The following EPHA6 variants were observed in gnomAD, a reference collection of about 807,000 sequenced individuals.
EPHA6 encodes EPH receptor A6.
A neutral mutation model predicts 112.0 loss-of-function variants in EPHA6; 50 were observed. The ratio of observed to expected loss-of-function variants is 0.45; its 90% CI spans 0.36 to 0.56. EPHA6 has a LOEUF of 0.56. Among genes scored for constraint, EPHA6 ranks in the 20% least tolerant of loss-of-function variants. The pLI is 0.00. For synonymous variants in EPHA6, 529 were observed against 490.7 expected (o/e 1.08, Z -1.03); for missense variants, 1,280 against 1,417.4 (o/e 0.90, Z 1.56).
At chr3:97,120,599 G>A (rs1477841386) in intron 3 of EPHA6, among the ~76,000 whole-genome samples, 1 of 151,828 alleles carries the variant, frequency 6.6e-6, no homozygotes, top group Non-Finnish European at 1.5e-5. Context: ...TTTTAAAAGA[G>A]TATTGCTTAC....
chr3:97,418,777 C>T (rs1411021018), intron 6 of EPHA6, among the ~76,000 whole-genome samples: 1 of 151,828 alleles, frequency 6.6e-6, no homozygotes, highest in Non-Finnish European at 1.5e-5. Context: ...TGAAAAAATA[C>T]ATGTATAAAA....
At chr3:97,040,299 T>C (rs1306995398) in intron 3 of EPHA6, among the ~76,000 whole-genome samples, 2 of 151,940 alleles carry the variant, frequency 1.3e-5, no homozygotes, top group African/African-American at 4.8e-5. Context: ...CTGAAATATA[T>C]TCAGCATAAA....
intron 14 of EPHA6, among the ~76,000 whole-genome samples, chr3:97,670,781 T>G (rs1017103541): frequency 6.6e-6 from 1 of 152,244 alleles, no homozygotes; most frequent in African/African-American, 2.4e-5. Flanking sequence ...TATAGGTCCT[T>G]TGTAAATCAC....
chr3:97,479,227 T>A, intron 8 of EPHA6, 67 bp from the exon 9 acceptor site: 1 of 919,818 alleles, frequency 1.1e-6, no homozygotes, highest in Non-Finnish European at 1.6e-6. Context: ...ATATGTATTT[T>A]AATTGGTTTT....
intron 4 of EPHA6, among the ~76,000 whole-genome samples, chr3:97,242,659 T>C (rs2078880522): frequency 6.6e-6 from 1 of 151,856 alleles, no homozygotes; most frequent in Admixed American, 6.6e-5. Context: ...CTAAATAAAA[T>C]ATTTAATGAA....
chr3:97,046,360 ATT>A (rs2045506977), intron 3 of EPHA6, among the ~76,000 whole-genome samples: 1 of 152,152 alleles, frequency 6.6e-6, no homozygotes, highest in Non-Finnish European at 1.5e-5. Flanking sequence ...CCTTTGATAG[ATT>A]TTAACACCTA....
At chr3:97,731,668 C>G (rs1182243261) in intron 15 of EPHA6, among the ~76,000 whole-genome samples, 1 of 151,980 alleles carries the variant, frequency 6.6e-6, no homozygotes, top group Non-Finnish European at 1.5e-5. Flanking sequence ...TAATCATACT[C>G]AAATAATAAA....
chr3:96,979,750 G>C (rs1425727148), intron 2 of EPHA6, among the ~76,000 whole-genome samples: 2 of 152,148 alleles, frequency 1.3e-5, no homozygotes, highest in Non-Finnish European at 2.9e-5. Context: ...ATTCTAACTG[G>C]TGTGAGATGG....
chr3:97,751,505 A>G lies in EPHA6; in HGVS notation c.*2804A>G, dbSNP rs144930513. ...TTGAAACATGTGTGCAAGATTAAACAGAAACATTAAAATATAAGGATTTAC... is the reference window on the plus strand; with the variant it reads ...TTGAAACATGTGTGCAAGATTAAACGGAAACATTAAAATATAAGGATTTAC... On this transcript the variant is annotated 3_prime_UTR_variant, in exon 18 of 18. Transcript: ENST00000389672. 3.3e-5 allele frequency among the ~76,000 whole-genome samples: 5 copies of G among 152,276 alleles called. No individual in the cohort carries two copies. In the East Asian group the frequency reaches 9.6e-4, roughly 29 times the overall value.
intron 11 of EPHA6, among the ~76,000 whole-genome samples, chr3:97,557,244 T>C (rs1042812084): frequency 1.3e-5 from 2 of 152,088 alleles, no homozygotes; most frequent in African/African-American, 4.8e-5. Context: ...AGAGTGCCCA[T>C]TGATTTTACT....
intron 5 of EPHA6, among the ~76,000 whole-genome samples, chr3:97,371,143 A>T (rs2085030000): frequency 6.6e-6 from 1 of 152,090 alleles, no homozygotes; most frequent in East Asian, 1.9e-4. Flanking sequence ...ACCAATACAA[A>T]ATTCAGCATG....
intron 2 of EPHA6, among the ~76,000 whole-genome samples, chr3:96,929,640 T>C (rs2040215434): frequency 2.0e-5 from 3 of 152,324 alleles, no homozygotes; most frequent in Non-Finnish European, 4.4e-5. Context: ...GGCCTTTCTT[T>C]CTGGCTGCTC....
intron 5 of EPHA6, among the ~76,000 whole-genome samples, chr3:97,382,652 G>A (rs989988986): frequency 2.0e-5 from 3 of 151,798 alleles, no homozygotes. Context: ...ACCACCTGAC[G>A]ACTCTTACAA....
intron 5 of EPHA6, among the ~76,000 whole-genome samples, chr3:97,328,249 G>A (rs959284292): frequency 6.6e-6 from 1 of 151,628 alleles, no homozygotes; most frequent in African/African-American, 2.4e-5. Context: ...TATGGAAACT[G>A]CATGTTTAGG....
chr3:97,490,072 C>T (rs1416796340), intron 10 of EPHA6, among the ~76,000 whole-genome samples: 2 of 151,798 alleles, frequency 1.3e-5, no homozygotes, highest in Non-Finnish European at 2.9e-5. Context: ...TTGATAAATG[C>T]TTGTTTAATA....
intron 3 of EPHA6, among the ~76,000 whole-genome samples, chr3:97,083,872 G>A (rs2046802144): frequency 6.6e-6 from 1 of 151,380 alleles, no homozygotes; most frequent in East Asian, 2.0e-4. Context: ...TGAGGTTGTT[G>A]TATATACATA....
chr3:97,468,452 C>A (rs1015287570), intron 7 of EPHA6, among the ~76,000 whole-genome samples: 1 of 150,248 alleles, frequency 6.7e-6, no homozygotes, highest in Non-Finnish European at 1.5e-5. Flanking sequence ...TAATTTATTT[C>A]TGAATAAATT....
At chr3:97,309,373 CA>C (rs1343501428) in intron 5 of EPHA6, among the ~76,000 whole-genome samples, 1 of 151,394 alleles carries the variant, frequency 6.6e-6, no homozygotes, top group African/African-American at 2.4e-5. Context: ...TGATATTGTA[CA>C]AGAAATTTTT....
chr3:97,319,789 C>T (rs1312337316), intron 5 of EPHA6, among the ~76,000 whole-genome samples: 3 of 151,234 alleles, frequency 2.0e-5, no homozygotes, highest in Non-Finnish European at 4.4e-5. Flanking sequence ...ATTTCTATAT[C>T]CCGAGCTAGT....
Sources: allele counts gnomAD v4.1 joint callset (sites outside exome capture counted in the v4.1 genomes callset), GRCh38; gene constraint gnomAD v4.1.1; transcripts MANE v1.5; gene names NCBI Gene and HGNC (gene_info 2026-07-23, HGNC 2026-07-21).